MED12L: variants seen among roughly 807,000 people sequenced by gnomAD.
The protein encoded by MED12L is mediator complex subunit 12L.
Under a neutral mutation model 281.3 loss-of-function variants are expected in MED12L, and 60 were observed. The ratio of observed to expected loss-of-function variants is 0.21; its 90% CI spans 0.17 to 0.26. MED12L has a LOEUF of 0.26. Ranked by LOEUF, MED12L falls within the 10% of genes least tolerant of loss-of-function variation. The pLI is 1.00. For synonymous variants in MED12L, 974 were observed against 987.2 expected (o/e 0.99, Z 0.25); for missense variants, 2,146 against 2,680.9 (o/e 0.80, Z 4.41).
intron 4 of MED12L, among the ~76,000 whole-genome samples, chr3:151,123,953 A>G (rs753938040): frequency 3.3e-5 from 5 of 152,226 alleles, no homozygotes; most frequent in Non-Finnish European, 7.3e-5. Context: ...AACAGTCAGC[A>G]TAACCACCTC....
At chr3:151,307,544 TG>T (rs1746854194) in intron 16 of MED12L, among the ~76,000 whole-genome samples, 1 of 17,318 alleles carries the variant, frequency 5.8e-5, no homozygotes, top group Non-Finnish European at 8.6e-5. Flanking sequence ...TGTGTGTGTG[TG>T]TGTGTGTGTG....
chr3:151,162,496 G>A (rs1353843035), intron 8 of MED12L, among the ~76,000 whole-genome samples: 6 of 151,930 alleles, frequency 3.9e-5, no homozygotes, highest in South Asian at 2.1e-4. Context: ...CAGTCACTGC[G>A]GCCTGGAGCT....
chr3:151,191,211 A>G (rs1414690563), intron 14 of MED12L, among the ~76,000 whole-genome samples: 1 of 152,186 alleles, frequency 6.6e-6, no homozygotes, highest in Non-Finnish European at 1.5e-5. Flanking sequence ...TCAGTTCTAG[A>G]TGTTTCTAAT....
Position 151,435,389 on chromosome 3 carries a change from T to TATC in MED12L, c.*2586_*2587insTCA, listed in dbSNP as rs1284082246. 6 of 141,146 alleles carry TATC rather than the reference T, an allele frequency of 4.3e-5. No homozygotes were observed. The highest frequency in any genetic ancestry group is 1.6e-4 in the African/African-American group (6 of 37,564). 8.7% of individuals were successfully genotyped at this position (141,146 alleles called of 1,614,324 possible). A position where few individuals can be genotyped will look rare whatever the true frequency, so the allele number is the denominator to read the frequency against. ...CCTGGAAGTAGAGGAGATCAATGCGTAGCTTTGACCACTTCCAGCCACAGG... is the reference window on the plus strand; with the variant it reads ...CCTGGAAGTAGAGGAGATCAATGCGTATCAGCTTTGACCACTTCCAGCCACAGG... On this transcript the variant is annotated 3_prime_UTR_variant, in exon 45 of 45. Transcript: ENST00000687756.
intron 11 of MED12L, among the ~76,000 whole-genome samples, chr3:151,183,236 A>C (rs974342314): frequency 6.6e-5 from 10 of 152,232 alleles, no homozygotes; most frequent in Admixed American, 3.9e-4. Context: ...TGAAGGTTCA[A>C]GACCATGCCT....
In MED12L at chr3:151,307,654, G is replaced by C. The variant is rs538195719; in HGVS notation, c.2251-42405G>C. The stretch of plus-strand genomic sequence containing the variant: ...CCTGAAGACAAGATTTGTGTCTAAT[G>C]GTTCTTTATAACCTTAACCTCAAAC... On this transcript the variant is annotated intron_variant, in intron 16 of 44. Transcript: ENST00000687756. 1.5e-4 allele frequency among the ~76,000 whole-genome samples: 23 copies of C among 151,282 alleles called. No homozygotes were observed. The South Asian group carries it at 4.8e-3, about 32-fold the overall frequency.
intron 16 of MED12L, among the ~76,000 whole-genome samples, chr3:151,341,014 A>G (rs770648247): frequency 1.2e-4 from 19 of 152,146 alleles, no homozygotes; most frequent in Non-Finnish European, 2.5e-4. Context: ...GTTATTTTCT[A>G]TGCAAATGAT....
chr3:151,192,308 C>T (rs948184054), intron 14 of MED12L, among the ~76,000 whole-genome samples: 4 of 152,082 alleles, frequency 2.6e-5, no homozygotes, highest in Non-Finnish European at 5.9e-5. Context: ...TGTTTTAATC[C>T]GGATGTTTGT....
At chr3:151,223,708 G>C (rs1254373737) in intron 16 of MED12L, among the ~76,000 whole-genome samples, 2 of 152,186 alleles carry the variant, frequency 1.3e-5, no homozygotes, top group Admixed American at 1.3e-4. Context: ...AGGAAGCGGG[G>C]AAATGGTGGA....
At chr3:151,195,673 A>C (rs1301008648) in intron 16 of MED12L, among the ~76,000 whole-genome samples, 1 of 152,182 alleles carries the variant, frequency 6.6e-6, no homozygotes, top group Admixed American at 6.5e-5. Context: ...GATGTCTGGG[A>C]TTTGTTTTTA....
At chr3:151,295,195 G>T (rs1384668733) in intron 16 of MED12L, 1 of 1,607,476 alleles carries the variant, frequency 6.2e-7, no homozygotes, top group Non-Finnish European at 8.5e-7. Context: ...GACTCTCTTG[G>T]CCGTGCAGCT....
chr3:151,225,247 T>C (rs1730258649), intron 16 of MED12L, among the ~76,000 whole-genome samples: 1 of 152,198 alleles, frequency 6.6e-6, no homozygotes, highest in Admixed American at 6.5e-5. Context: ...ACTCCCCTTA[T>C]TTCTCAGAAA....
At chr3:151,092,871 C>G (rs549197575) in intron 2 of MED12L, among the ~76,000 whole-genome samples, 1 of 152,136 alleles carries the variant, frequency 6.6e-6, no homozygotes, top group African/African-American at 2.4e-5. Flanking sequence ...ACTCATGCCT[C>G]AGGTGACTCT....
intron 16 of MED12L, among the ~76,000 whole-genome samples, chr3:151,322,355 T>A (rs886210585): frequency 2.0e-5 from 3 of 151,988 alleles, no homozygotes; most frequent in African/African-American, 2.4e-5. Flanking sequence ...CCAGGTAATT[T>A]TTTTTTTATT....
At chr3:151,221,213 G>T (rs1410574613) in intron 16 of MED12L, among the ~76,000 whole-genome samples, 1 of 152,210 alleles carries the variant, frequency 6.6e-6, no homozygotes, top group Non-Finnish European at 1.5e-5. Flanking sequence ...GCATTAAAGA[G>T]GTGACTTGGG....
At chr3:151,308,446 G>T (rs1006344459) in intron 16 of MED12L, among the ~76,000 whole-genome samples, 1 of 152,066 alleles carries the variant, frequency 6.6e-6, no homozygotes, top group Non-Finnish European at 1.5e-5. Context: ...AGTCAGTTTA[G>T]GGGCCACAGT....
chr3:151,149,147 T>C (rs1255347515), intron 5 of MED12L, among the ~76,000 whole-genome samples: 1 of 152,184 alleles, frequency 6.6e-6, no homozygotes, highest in East Asian at 1.9e-4. Context: ...GTTGTCTACG[T>C]GTAAGGTGTA....
At chr3:151,336,876 TA>T in intron 16 of MED12L, 1 of 189,422 alleles carries the variant, frequency 5.3e-6, no homozygotes, top group Non-Finnish European at 1.1e-5. Context: ...TTTTGTATTT[TA>T]TACACACCAA....
chr3:151,432,141 A>C (rs1719605310), intron 44 of MED12L, among the ~76,000 whole-genome samples: 1 of 152,230 alleles, frequency 6.6e-6, no homozygotes, highest in African/African-American at 2.4e-5. Flanking sequence ...CCGGATTTGA[A>C]TACTCCAGAG....
Sources: allele counts gnomAD v4.1 joint callset (sites outside exome capture counted in the v4.1 genomes callset), GRCh38; gene constraint gnomAD v4.1.1; transcripts MANE v1.5; gene names NCBI Gene and HGNC (gene_info 2026-07-23, HGNC 2026-07-21).